Variants in ANKRD12 observed in about 807,000 individuals in gnomAD.
ANKRD12 encodes the protein ankyrin repeat domain 12.
Under a neutral mutation model 183.4 loss-of-function variants are expected in ANKRD12, and 85 were observed. That is an observed-to-expected ratio of 0.46 (90% CI 0.39 to 0.56). The LOEUF is 0.56. Ranked by LOEUF, ANKRD12 falls within the 20% of genes least tolerant of loss-of-function variation. The probability of loss-of-function intolerance (pLI) is 0.00; values close to 1 mark genes in which losing one functional copy is unlikely to be tolerated. For missense variants in ANKRD12, 2,405 were observed against 2,357.1 expected (o/e 1.02, Z -0.42); for synonymous variants, 914 against 800.2 (o/e 1.14, Z -2.40).
At position 9,257,454 on chromosome 18, in the gene ANKRD12, A is replaced by G. The variant is rs2145213497; in HGVS notation, c.4187A>G (p.Asn1396Ser). 1 of 1,614,118 alleles carries G rather than the reference A, an allele frequency of 6.2e-7. No individual in the cohort carries two copies. The highest frequency in any genetic ancestry group is 8.5e-7 in the Non-Finnish European group (1 of 1,179,998). Residue 1396 changes from asparagine to serine, a missense_variant, in exon 9 of 13, where the codon AAC (asparagine) becomes AGC (serine). Asn to Ser is a conservative substitution (Grantham distance 46). Coordinates refer to ENST00000262126, the MANE Select transcript of ANKRD12 (RefSeq NM_015208.5). ...CTCATCAAGAATACTGCCCCAGTGAACACTGTAATGGACAGTCCAGTGCAT... is the reference window on the plus strand; with the variant it reads ...CTCATCAAGAATACTGCCCCAGTGAGCACTGTAATGGACAGTCCAGTGCAT... ...RNLIKNTAPV[N>S]TVMDSPVHLE... is the part of the protein sequence containing the mutation.
chr18:9,263,878 G>A lies in ANKRD12; in HGVS notation c.5753G>A (p.Ser1918Asn), dbSNP rs2039126894. The A allele has an allele frequency of 6.8e-7, 1 of 1,469,832 alleles. No individual in the cohort carries two copies. Among genetic ancestry groups the A allele is most frequent in the East Asian group, 2.3e-5 (1 of 43,352 alleles). 91.0% of individuals were successfully genotyped at this position (1,469,832 alleles called of 1,614,324 possible). A position where few individuals can be genotyped will look rare whatever the true frequency, so the allele number is the denominator to read the frequency against. The change falls in exon 10 of 13, where the codon AGT (serine) becomes AAT (asparagine). Residue 1918 changes from serine (S) to asparagine (N), a missense_variant. Physicochemically the swap from Ser to Asn is conservative, Grantham distance 46. This residue lies in a region of ANKRD12 where 162 missense variants were observed against 272.2 expected (regional missense o/e 0.60). Coordinates refer to ENST00000262126, the MANE Select transcript of ANKRD12 (RefSeq NM_015208.5). The stretch of plus-strand genomic sequence containing the variant: ...AGGATGAAACTACGTTTGCAACACA[G>A]TATTGAAAGGGTAAGAAATGTTTAA... The part of the protein sequence containing the change: ...VVRMKLRLQH[S>N]IEREKLIVSN...
chr18:9,244,069 G>A (rs1353188672), intron 8 of ANKRD12, among the ~76,000 whole-genome samples: 1 of 152,162 alleles, frequency 6.6e-6, no homozygotes, highest in Non-Finnish European at 1.5e-5. Context: ...GGGAGGCGGA[G>A]GTTACAGTGA....
At chr18:9,246,354 A>G (rs536109744) in intron 8 of ANKRD12, among the ~76,000 whole-genome samples, 2 of 152,300 alleles carry the variant, frequency 1.3e-5, no homozygotes, top group Non-Finnish European at 2.9e-5. Context: ...AATTCCACCA[A>G]ACACTAATAC....
At chr18:9,139,788 C>T (rs1236636317) in intron 1 of ANKRD12, among the ~76,000 whole-genome samples, 2 of 152,136 alleles carry the variant, frequency 1.3e-5, no homozygotes, top group Non-Finnish European at 2.9e-5. Flanking sequence ...TGAGATTTAT[C>T]CTTGGGACAG....
chr18:9,190,754 A>G (rs1036261976), intron 2 of ANKRD12, among the ~76,000 whole-genome samples: 3 of 152,232 alleles, frequency 2.0e-5, no homozygotes, highest in African/African-American at 4.8e-5. Context: ...ATATTTTAGT[A>G]TATTTAGTAC....
At chr18:9,194,920 A>G (rs951624221) in intron 2 of ANKRD12, among the ~76,000 whole-genome samples, 25 of 152,336 alleles carry the variant, frequency 1.6e-4, no homozygotes, top group African/African-American at 5.8e-4. Context: ...TAGCAAATAC[A>G]TGGAATTAAC....
chr18:9,212,914 C>T (rs1198970379), intron 6 of ANKRD12, among the ~76,000 whole-genome samples: 2 of 151,750 alleles, frequency 1.3e-5, no homozygotes, highest in Non-Finnish European at 3.0e-5. Flanking sequence ...CACTCCTTTG[C>T]TCATTTTCTT....
chr18:9,246,168 T>A (rs2037952500), intron 8 of ANKRD12, among the ~76,000 whole-genome samples: 1 of 151,694 alleles, frequency 6.6e-6, no homozygotes, highest in Non-Finnish European at 1.5e-5. Context: ...TAGAAACTTT[T>A]AAAAATTATA....
intron 1 of ANKRD12, among the ~76,000 whole-genome samples, chr18:9,164,382 T>A (rs1354300236): frequency 6.6e-6 from 1 of 151,912 alleles, no homozygotes; most frequent in Non-Finnish European, 1.5e-5. Flanking sequence ...ACTTGATTTT[T>A]TTGTGTGTCT....
In ANKRD12 at chr18:9,254,590, T is replaced by A; in HGVS notation, c.1323T>A (p.Thr441=). The stretch of plus-strand genomic sequence containing the variant: ...CTCTTCAGAATAAAAAGATTTCTAC[T>A]TCATGTTCCGTCATCCCTGAAACAT... ...EEALQNKKIS[T]SCSVIPETSN... Residue 441 remains threonine, a synonymous_variant, in exon 9 of 13, where the codon ACT becomes ACA. Transcript: ENST00000262126. The A allele has an allele frequency of 6.3e-7, 1 of 1,581,934 alleles. No homozygotes were observed. The highest frequency in any genetic ancestry group is 8.6e-7 in the Non-Finnish European group (1 of 1,168,510).
In ANKRD12 at chr18:9,138,996, C is replaced by T. The variant is rs534901490; in HGVS notation, c.-52+2031C>T. On this transcript the variant is annotated intron_variant, in intron 1 of 12. Coordinates refer to ENST00000262126, the MANE Select transcript of ANKRD12 (RefSeq NM_015208.5). ...GTGTTAAGTGTACTTATGTAGGATA[C>T]TTTTAATGTTCTTAATCTTGTATAG... Among the ~76,000 whole-genome samples the T allele has an allele frequency of 5.3e-5, 8 of 152,270 alleles. No homozygotes were observed. The South Asian group carries it at 1.4e-3, about 28-fold the overall frequency.
chr18:9,266,664 G>A (rs1223090035), intron 10 of ANKRD12, among the ~76,000 whole-genome samples: 1 of 152,192 alleles, frequency 6.6e-6, no homozygotes, highest in African/African-American at 2.4e-5. Context: ...GCAAAAACAT[G>A]CCAAATTGTA....
intron 8 of ANKRD12, among the ~76,000 whole-genome samples, chr18:9,245,984 C>A (rs1484545188): frequency 2.0e-5 from 3 of 152,126 alleles, no homozygotes; most frequent in Non-Finnish European, 4.4e-5. Flanking sequence ...TGTAACTCTG[C>A]CACTTACTAG....
intron 2 of ANKRD12, among the ~76,000 whole-genome samples, chr18:9,194,418 A>T (rs2034649093): frequency 6.6e-6 from 1 of 151,976 alleles, no homozygotes; most frequent in African/African-American, 2.4e-5. Flanking sequence ...GTGCAACGGT[A>T]TGATCTCAGC....
At chr18:9,228,757 C>T (rs994720775) in intron 8 of ANKRD12, among the ~76,000 whole-genome samples, 4 of 151,976 alleles carry the variant, frequency 2.6e-5, no homozygotes, top group Non-Finnish European at 4.4e-5. Context: ...TTCTCTCATT[C>T]GAGGGTTGTC....
chr18:9,243,873 G>A (rs754772302), intron 8 of ANKRD12, among the ~76,000 whole-genome samples: 1 of 152,220 alleles, frequency 6.6e-6, no homozygotes, highest in Non-Finnish European at 1.5e-5. Flanking sequence ...GGTGGCCCAC[G>A]CCTGTAATCC....
chr18:9,161,609 C>G (rs2031430439), intron 1 of ANKRD12, among the ~76,000 whole-genome samples: 1 of 151,886 alleles, frequency 6.6e-6, no homozygotes, highest in South Asian at 2.1e-4. Context: ...ATCTGCTGAC[C>G]TTGTGATCCG....
In ANKRD12 at chr18:9,258,534, T is replaced by C; in HGVS notation, c.5267T>C (p.Leu1756Pro). The C allele has an allele frequency of 6.2e-7, 1 of 1,613,744 alleles. No individual in the cohort carries two copies. Among genetic ancestry groups the C allele is most frequent in the Non-Finnish European group, 8.5e-7 (1 of 1,179,936 alleles). ...AAACAGATTCTTGCTAGCTGTACAC[T>C]ATTATCAGAAAAAGACAGTGAATCC... ...QSKQILASCT[L>P]LSEKDSESSS... The change falls in exon 9 of 13, where the codon CTA becomes CCA. Residue 1756 changes from leucine to proline, a missense_variant. Leu to Pro is a moderately conservative substitution (Grantham distance 98). This residue lies in a region of ANKRD12 where 1,983 missense variants were observed against 1,725.9 expected (regional missense o/e 1.15). Coordinates refer to ENST00000262126, the MANE Select transcript of ANKRD12 (RefSeq NM_015208.5).
At chr18:9,177,751 T>C (rs2033389853) in intron 1 of ANKRD12, among the ~76,000 whole-genome samples, 1 of 152,194 alleles carries the variant, frequency 6.6e-6, no homozygotes, top group Admixed American at 6.5e-5. Context: ...GTACCCTTCC[T>C]AGCCTCTGGT....
Sources: allele counts gnomAD v4.1 joint callset (sites outside exome capture counted in the v4.1 genomes callset), GRCh38; gene constraint gnomAD v4.1.1; regional missense constraint gnomAD v4.1.1; transcripts MANE v1.5; gene names NCBI Gene and HGNC (gene_info 2026-07-23, HGNC 2026-07-21).